The following ASS1 variants were observed in gnomAD, a reference collection of about 807,000 sequenced individuals.
ASS1 encodes the protein argininosuccinate synthase.
In ASS1, 58 loss-of-function variants were observed where a neutral mutation model predicts 60.5. The observed-to-expected ratio is 0.96, with a 90% CI of 0.78 to 1.19. ASS1 has a LOEUF of 1.19. ASS1 is among the 50% of genes most tolerant of loss of function. The pLI is 0.00. For missense variants in ASS1, 454 were observed against 547.3 expected (o/e 0.83, Z 1.70); for synonymous variants, 200 against 206.9 (o/e 0.97, Z 0.29).
Position 130,457,193 on chromosome 9 carries a change from CGTTT to C in ASS1, c.175-1195_175-1192del, listed in dbSNP as rs905448360. Among the ~76,000 whole-genome samples the C allele has an allele frequency of 3.9e-5, 6 of 152,200 alleles. No homozygotes were observed. The South Asian group carries it at 6.2e-4, about 16-fold the overall frequency. On this transcript the variant is annotated intron_variant, in intron 3 of 14. Coordinates refer to ENST00000352480, the MANE Select transcript of ASS1 (RefSeq NM_054012.4). ...GGTTTTCTGCATTCACTTGTTTTTT[CGTTT>C]GTTTGTTTGTTTTTCTTTTTTAGCC...
rs1846055049 is a variant in ASS1 at position 130,477,688 on chromosome 9, G to C, written c.688+727G>C. On this transcript the variant is annotated intron_variant, in intron 9 of 14. Transcript: ENST00000352480. The surrounding 1 kb of genome is among the most constrained non-coding windows in gnomAD (Gnocchi z 4.2). ...CCTGGGCTCAGAGGGAGGGCTCAGA[G>C]GGCGGGCTCAGAGGGCCTGAAGGGG... Among the ~76,000 whole-genome samples, 1 of 152,228 alleles carries C rather than the reference G, an allele frequency of 6.6e-6. No individual in the cohort carries two copies. The highest frequency in any genetic ancestry group is 2.4e-5 in the African/African-American group (1 of 41,470).
intron 13 of ASS1, among the ~76,000 whole-genome samples, chr9:130,496,251 T>C (rs1224835098): frequency 1.3e-5 from 2 of 151,342 alleles, no homozygotes; most frequent in Non-Finnish European, 2.9e-5. Flanking sequence ...TGAGACCTCA[T>C]CTCTACTAAA....
Position 130,491,190 on chromosome 9 carries a change from GGACA to G in ASS1, c.970+1732_970+1735del, listed in dbSNP as rs1846440290. On this transcript the variant is annotated intron_variant, in intron 12 of 14. Transcript: ENST00000352480. This position sits in a 1 kb window ranked among gnomAD's most constrained non-coding sequence, Gnocchi z 5.3. ...GCCAAGTTTCTGCCCCCGTTCCCAG[GGACA>G]GACAGGTGCTTAAATACCATTGTCT... Among the ~76,000 whole-genome samples the G allele has an allele frequency of 6.6e-6, 1 of 152,106 alleles. No individual in the cohort carries two copies. Among genetic ancestry groups the G allele is most frequent in the African/African-American group, 2.4e-5 (1 of 41,400 alleles).
rs1846365536 is a variant in ASS1, at chr9:130,488,621, G to A, written c.839-712G>A. 6.6e-6 allele frequency among the ~76,000 whole-genome samples: 1 copy of A among 152,242 alleles called. No homozygotes were observed. Among genetic ancestry groups the A allele is most frequent in the Admixed American group, 6.5e-5 (1 of 15,294 alleles). ...AGGGACTGGGCCTGAGGTCACAAGA[G>A]GGGACTTGAGCAATCCCTTCTCCCC... On this transcript the variant is annotated intron_variant, in intron 11 of 14. Transcript: ENST00000352480. The surrounding 1 kb of genome is among the most constrained non-coding windows in gnomAD (Gnocchi z 5.2).
chr9:130,481,111 T>C (rs1437037418), intron 11 of ASS1, among the ~76,000 whole-genome samples: 1 of 152,218 alleles, frequency 6.6e-6, no homozygotes, highest in African/African-American at 2.4e-5. Flanking sequence ...AGCAGGTGCC[T>C]CTGTCTTCTC....
At position 130,477,675 on chromosome 9, in the gene ASS1, G is replaced by C. The variant is rs1028628363; in HGVS notation, c.688+714G>C. 6.6e-6 allele frequency among the ~76,000 whole-genome samples: 1 copy of C among 152,218 alleles called. No individual in the cohort carries two copies. The highest frequency in any genetic ancestry group is 1.5e-5 in the Non-Finnish European group (1 of 68,024). ...CGAGGCATGCCCGCCTGGGCTCAGA[G>C]GGAGGGCTCAGAGGGCGGGCTCAGA... On this transcript the variant is annotated intron_variant, in intron 9 of 14. Transcript: ENST00000352480. The surrounding 1 kb of genome is among the most constrained non-coding windows in gnomAD (Gnocchi z 4.2).
rs2118869190 is a variant in ASS1 at position 130,491,020 on chromosome 9, C to T, written c.970+1556C>T. Among the ~76,000 whole-genome samples the T allele has an allele frequency of 6.6e-6, 1 of 152,304 alleles. No individual in the cohort carries two copies. Among genetic ancestry groups the T allele is most frequent in the East Asian group, 1.9e-4 (1 of 5,166 alleles). On this transcript the variant is annotated intron_variant, in intron 12 of 14. Coordinates refer to ENST00000352480, the MANE Select transcript of ASS1 (RefSeq NM_054012.4). The surrounding 1 kb of genome is among the most constrained non-coding windows in gnomAD (Gnocchi z 5.3). ...GAATAGCTACCTGGGCTAAGCTCTC[C>T]TCCCCTCGCCTCTCCCCCTCCACTC...
intron 11 of ASS1, among the ~76,000 whole-genome samples, chr9:130,484,438 T>G (rs1846253070): frequency 6.6e-6 from 1 of 151,726 alleles, no homozygotes; most frequent in Non-Finnish European, 1.5e-5. Context: ...TCCTTGCCCG[T>G]CTCCCCACTC....
rs1045900217 is a variant in ASS1 at position 130,474,819 on chromosome 9, G to A, written c.598-2052G>A. On this transcript the variant is annotated intron_variant, in intron 8 of 14. Coordinates refer to ENST00000352480, the MANE Select transcript of ASS1 (RefSeq NM_054012.4). ...AGAGTCCCTGTGTTTAGCTTCCAAAGCATGGTTTGGAGAAGCCACCTCTCA... is the reference window on the plus strand; with the variant it reads ...AGAGTCCCTGTGTTTAGCTTCCAAAACATGGTTTGGAGAAGCCACCTCTCA... Among the ~76,000 whole-genome samples, 3 of 152,360 alleles carry A rather than the reference G, an allele frequency of 2.0e-5. No homozygotes were observed. In the East Asian group the frequency reaches 5.8e-4, roughly 29 times the overall value.
intron 12 of ASS1, among the ~76,000 whole-genome samples, chr9:130,493,753 G>C (rs1323863896): frequency 6.6e-6 from 1 of 151,926 alleles, no homozygotes; most frequent in South Asian, 2.1e-4. Flanking sequence ...GCCATGGCCT[G>C]CCTGCCTGCC....
rs1846740584 is a variant in ASS1, at chr9:130,500,961, G to C, written c.1194-15G>C. The C allele has an allele frequency of 6.2e-7, 1 of 1,613,082 alleles. No homozygotes were observed. The highest frequency in any genetic ancestry group is 8.5e-7 in the Non-Finnish European group (1 of 1,179,318). On this transcript the variant is annotated splice_polypyrimidine_tract_variant and intron_variant, in intron 14 of 14. Coordinates refer to ENST00000352480, the MANE Select transcript of ASS1 (RefSeq NM_054012.4). ...GTTAATTTACATTTTTCTTTGTTTT[G>C]AATCTGGTTTACAGGCTGAAGGAAT...
chr9:130,474,462 A>G (rs1845964048), intron 8 of ASS1, among the ~76,000 whole-genome samples: 2 of 152,140 alleles, frequency 1.3e-5, no homozygotes, highest in South Asian at 2.1e-4. Context: ...AGTCGGGCCC[A>G]GCGCAGGTGG....
At chr9:130,460,325 G>A (rs371095199) in intron 4 of ASS1, among the ~76,000 whole-genome samples, 4 of 152,354 alleles carry the variant, frequency 2.6e-5, no homozygotes, top group East Asian at 3.9e-4. Context: ...CTTCACCGGA[G>A]CACTGGTTCA....
chr9:130,479,713 T>C lies in ASS1; in HGVS notation c.689-3T>C, dbSNP rs1846119028. On this transcript the variant is annotated splice_polypyrimidine_tract_variant and splice_region_variant and intron_variant, in intron 9 of 14. Transcript: ENST00000352480. ...GGCCCACTGCCCTCTCTTCCCACCCTAGGGGTCCCTGTGAAGGTGACCAAC... is the reference window on the plus strand; with the variant it reads ...GGCCCACTGCCCTCTCTTCCCACCCCAGGGGTCCCTGTGAAGGTGACCAAC... The C allele has an allele frequency of 6.2e-7, 1 of 1,613,186 alleles. No homozygotes were observed. Among genetic ancestry groups the C allele is most frequent in the African/African-American group, 1.3e-5 (1 of 74,892 alleles).
chr9:130,487,955 A>G (rs937892748), intron 11 of ASS1, among the ~76,000 whole-genome samples: 11 of 152,024 alleles, frequency 7.2e-5, no homozygotes, highest in Admixed American at 5.2e-4. Context: ...GGGTTTCACC[A>G]TGTTGGCCAG....
At position 130,448,325 on chromosome 9, in the gene ASS1, C is replaced by T. The variant is rs537690146; in HGVS notation, c.-6+3330C>T. 5.6e-4 allele frequency among the ~76,000 whole-genome samples: 85 copies of T among 152,188 alleles called. 1 individual carries two copies. Among genetic ancestry groups the T allele is most frequent in the African/African-American group, 2.0e-3 (83 of 41,532 alleles). On this transcript the variant is annotated intron_variant, in intron 1 of 14. Coordinates refer to ENST00000352480, the MANE Select transcript of ASS1 (RefSeq NM_054012.4). ...CCACACACGTGTGCATGCACACAGG[C>T]ACACATGTGCAAGCCCAAACACATC...
chr9:130,481,667 G>A (rs897594433), intron 11 of ASS1, among the ~76,000 whole-genome samples: 1 of 152,208 alleles, frequency 6.6e-6, no homozygotes, highest in Non-Finnish European at 1.5e-5. Context: ...TGCGGTAGGC[G>A]CTGGGAGTTG....
At chr9:130,493,399 C>T (rs1371955191) in intron 12 of ASS1, among the ~76,000 whole-genome samples, 1 of 152,324 alleles carries the variant, frequency 6.6e-6, no homozygotes, top group South Asian at 2.1e-4. Context: ...ATGAGGAAAC[C>T]GAGGCACAGG....
rs1358048712 is a variant in ASS1, at chr9:130,478,588, T to G, written c.689-1128T>G. Among the ~76,000 whole-genome samples the G allele has an allele frequency of 6.6e-6, 1 of 152,204 alleles. No individual in the cohort carries two copies. The highest frequency in any genetic ancestry group is 1.5e-5 in the Non-Finnish European group (1 of 68,032). ...TTATTTGAAGTTTTAATCTAATTAT[T>G]AACTATTTTAAAGGCTAAGAGGCTT... On this transcript the variant is annotated intron_variant, in intron 9 of 14. Transcript: ENST00000352480. The surrounding 1 kb of genome is among the most constrained non-coding windows in gnomAD (Gnocchi z 4.7).
Sources: allele counts gnomAD v4.1 joint callset (sites outside exome capture counted in the v4.1 genomes callset), GRCh38; gene constraint gnomAD v4.1.1; non-coding constraint Gnocchi (gnomAD v3.1); transcripts MANE v1.5; gene names NCBI Gene and HGNC (gene_info 2026-07-23, HGNC 2026-07-21).